The following ITGB8 variants were observed in gnomAD, a reference collection of about 807,000 sequenced individuals.
ITGB8 encodes integrin beta-8.
ITGB8 carries 30 observed loss-of-function variants against 89.5 expected under a neutral mutation model. The observed-to-expected ratio is 0.34, with a 90% CI of 0.25 to 0.45. ITGB8 has a LOEUF of 0.45. ITGB8 is among the 20% of genes least tolerant of loss of function. The pLI, the probability that ITGB8 is intolerant of heterozygous loss-of-function variation, is 1.00. For synonymous variants in ITGB8, 335 were observed against 320.4 expected, an observed-to-expected ratio of 1.05 and a Z score of -0.49; for missense variants, 836 against 933.3, an observed-to-expected ratio of 0.90 and a Z score of 1.36.
intron 1 of ITGB8, among the ~76,000 whole-genome samples, chr7:20,350,170 G>T (rs534114758): frequency 2.6e-5 from 4 of 152,126 alleles, no homozygotes; most frequent in Non-Finnish European, 5.9e-5. Context: ...GTTTTGAGAC[G>T]GAGTTTCACT....
chr7:20,385,261 A>T (rs75556813), intron 6 of ITGB8, among the ~76,000 whole-genome samples: 2,856 of 152,350 alleles, frequency 0.019, 47 homozygotes, highest in Non-Finnish European at 0.027. Context: ...TGGGATTTTC[A>T]GATGTTGATG....
chr7:20,331,893 A>G lies in ITGB8; in HGVS notation c.87A>G (p.Ala29=), dbSNP rs765523690. 6.2e-7 allele frequency: 1 copy of G among 1,614,152 alleles called. No individual in the cohort carries two copies. The highest frequency in any genetic ancestry group is 1.7e-5 in the Admixed American group (1 of 60,030). Residue 29 remains alanine, a synonymous_variant, in exon 1 of 14, where the codon GCA becomes GCG. Coordinates refer to ENST00000222573, the MANE Select transcript of ITGB8 (RefSeq NM_002214.3). ...GAGGTCCCGCCTCGTTCCTCTGGGC[A>G]GCCTGGGTGTTTTCACTTGTTCTTG... The part of the protein sequence containing the change: ...DRRGPASFLW[A]AWVFSLVLGL...
intron 1 of ITGB8, among the ~76,000 whole-genome samples, chr7:20,332,682 T>A (rs182083951): frequency 6.6e-6 from 1 of 152,346 alleles, no homozygotes; most frequent in Admixed American, 6.5e-5. Flanking sequence ...CGAGGTTTAT[T>A]AATAATACCT....
intron 12 of ITGB8, among the ~76,000 whole-genome samples, chr7:20,408,853 C>G (rs527687387): frequency 6.6e-6 from 1 of 152,218 alleles, no homozygotes; most frequent in South Asian, 2.1e-4. Flanking sequence ...CACAACATTT[C>G]TTTTTCCAGC....
intron 3 of ITGB8, among the ~76,000 whole-genome samples, chr7:20,369,063 C>A (rs1377781129): frequency 6.6e-6 from 1 of 152,134 alleles, no homozygotes; most frequent in Non-Finnish European, 1.5e-5. Context: ...CAGTTCACAC[C>A]TGAATTTAAG....
chr7:20,386,405 ATTTTTT>A (rs759304002), intron 6 of ITGB8, among the ~76,000 whole-genome samples: 26 of 80,360 alleles, frequency 3.2e-4, no homozygotes, highest in East Asian at 2.0e-3. Context: ...CACCTGGCTA[ATTTTTT>A]TTTTTTTTTT....
chr7:20,381,992 G>C (rs899445080), intron 6 of ITGB8, 107 bp downstream of exon 6: 42 of 906,452 alleles, frequency 4.6e-5, no homozygotes, highest in Non-Finnish European at 6.6e-5. Context: ...ACAAAAGAAA[G>C]ATACAGAACA....
chr7:20,394,039 G>A (rs1329594498), intron 7 of ITGB8, among the ~76,000 whole-genome samples: 2 of 152,288 alleles, frequency 1.3e-5, no homozygotes, highest in East Asian at 1.9e-4. Context: ...TAAAGTAGGA[G>A]CTCAATAAAA....
chr7:20,408,453 G>C (rs768267990), intron 12 of ITGB8, among the ~76,000 whole-genome samples: 10 of 151,542 alleles, frequency 6.6e-5, no homozygotes, highest in Non-Finnish European at 1.2e-4. Flanking sequence ...CACTGAGCTT[G>C]GCCTTATTCA....
At chr7:20,351,014 AG>A (rs937202803) in intron 1 of ITGB8, among the ~76,000 whole-genome samples, 4 of 152,222 alleles carry the variant, frequency 2.6e-5, no homozygotes, top group Admixed American at 6.5e-5. Context: ...AATTCTGAAA[AG>A]GGTACCAAAG....
chr7:20,337,809 G>A (rs1166143585), intron 1 of ITGB8, among the ~76,000 whole-genome samples: 1 of 152,200 alleles, frequency 6.6e-6, no homozygotes, highest in Non-Finnish European at 1.5e-5. Context: ...GGGAGTCCAT[G>A]GGGCTTGCTC....
intron 6 of ITGB8, among the ~76,000 whole-genome samples, chr7:20,383,172 C>G (rs1786470898): frequency 6.6e-6 from 1 of 152,174 alleles, no homozygotes; most frequent in South Asian, 2.1e-4. Context: ...CTGCAATACC[C>G]TACCAGATCT....
Position 20,360,348 on chromosome 7 carries a change from A to ATTTTTTT in ITGB8, c.128-3282_128-3276dup, listed in dbSNP as rs71020629. 3.4e-4 allele frequency among the ~76,000 whole-genome samples: 43 copies of ATTTTTTT among 127,700 alleles called. 5 individuals carry two copies. Among genetic ancestry groups the ATTTTTTT allele is most frequent in the Admixed American group, 4.0e-4 (5 of 12,402 alleles). The allele number at this position is 127,700 out of a possible 152,430, so 83.8% of individuals were successfully genotyped here. Reference sequence around the variant, plus strand: ...CCTTCCATGAGACTACAGTCCTTTAATTTTTTTTTTTTTACTTGAGTAGCG... The same window carrying ATTTTTTT: ...CCTTCCATGAGACTACAGTCCTTTAATTTTTTTTTTTTTTTTTTTTACTTGAGTAGCG... On this transcript the variant is annotated intron_variant, in intron 1 of 13. Coordinates refer to ENST00000222573, the MANE Select transcript of ITGB8 (RefSeq NM_002214.3).
At chr7:20,403,732 AAAGGAAGGGAGAGAGATAGAAGG>A (rs1320083273) in intron 10 of ITGB8, among the ~76,000 whole-genome samples, 3 of 151,964 alleles carry the variant, frequency 2.0e-5, no homozygotes, top group African/African-American at 7.3e-5. Context: ...CTAAGAAAGG[AAAGGAAGGGAGAGAGATAGAAGG>A]AAGGAAGGGA....
Position 20,331,446 on chromosome 7 carries a change from G to GC in ITGB8, c.-357dup, listed in dbSNP as rs1784388209. ...CGCTAAGCTGATTTATGCAGCAGAA[G>GC]CCCCACCGGCTGGAGAGAAACAAAA... On this transcript the variant is annotated 5_prime_UTR_variant, in exon 1 of 14. The change abolishes the stop of an existing upstream ORF in the 5' untranslated region. Transcript: ENST00000222573. The GC allele has an allele frequency of 2.4e-6, 1 of 411,354 alleles. No individual in the cohort carries two copies. 25.5% of individuals were successfully genotyped at this position (411,354 alleles called of 1,614,324 possible).
chr7:20,383,390 T>G (rs947466895), intron 6 of ITGB8, among the ~76,000 whole-genome samples: 3 of 152,222 alleles, frequency 2.0e-5, no homozygotes, highest in Non-Finnish European at 2.9e-5. Flanking sequence ...CAGACCCACC[T>G]ACTTCTACTT....
Position 20,331,667 on chromosome 7 carries a change from A to G in ITGB8, c.-140A>G. On this transcript the variant is annotated 5_prime_UTR_variant, in exon 1 of 14. Coordinates refer to ENST00000222573, the MANE Select transcript of ITGB8 (RefSeq NM_002214.3). ...CCGCTTACCTGCACCGCTTGCTCCG[A>G]GCCGCGGGGTCCGCCTGCTAGGCCT... is the stretch of plus-strand genomic sequence containing the variant. 9.5e-7 allele frequency: 1 copy of G among 1,057,306 alleles called. No individual in the cohort carries two copies. Among genetic ancestry groups the G allele is most frequent in the South Asian group, 1.8e-5 (1 of 54,240 alleles). 65.5% of individuals were successfully genotyped at this position (1,057,306 alleles called of 1,614,324 possible). A position where few individuals can be genotyped will look rare whatever the true frequency, so the allele number is the denominator to read the frequency against.
At chr7:20,364,567 TC>T (rs145903980) in intron 2 of ITGB8, 2,955 of 152,316 alleles carry the variant, frequency 0.019, 52 homozygotes, top group Non-Finnish European at 0.028. Context: ...AGTAGGCATG[TC>T]TGAAAGTAAG....
intron 1 of ITGB8, among the ~76,000 whole-genome samples, chr7:20,355,328 C>T (rs753236655): frequency 6.6e-6 from 1 of 152,216 alleles, no homozygotes; most frequent in African/African-American, 2.4e-5. Flanking sequence ...ATGCTTGCTG[C>T]CATGCCTCAC....
Sources: gnomAD v4.1 joint callset for allele counts (sites outside exome capture counted in the v4.1 genomes callset) on GRCh38, gnomAD v4.1.1 for gene constraint, MANE v1.5 for transcripts, NCBI Gene and HGNC (gene_info 2026-07-23, HGNC 2026-07-21) for gene names.